Variants in TSGA10 observed in about 807,000 individuals in gnomAD.
The protein encoded by TSGA10 is testis-specific gene 10 protein.
TSGA10 carries 43 observed loss-of-function variants against 96.6 expected under a neutral mutation model. The ratio of observed to expected loss-of-function variants is 0.44; its 90% CI spans 0.35 to 0.57. TSGA10 has a LOEUF of 0.57. Ranked by LOEUF, TSGA10 falls within the 20% of genes least tolerant of loss-of-function variation. The pLI is 0.01. For synonymous variants in TSGA10, 229 were observed against 269.9 expected, an observed-to-expected ratio of 0.85 and a Z score of 1.48; for missense variants, 703 against 834.4, an observed-to-expected ratio of 0.84 and a Z score of 1.94.
At chr2:99,040,213 C>T (rs899287121) in intron 16 of TSGA10, among the ~76,000 whole-genome samples, 1 of 152,132 alleles carries the variant, frequency 6.6e-6, no homozygotes, top group Non-Finnish European at 1.5e-5. Context: ...TAGAACAAGA[C>T]AAGAATGCCC....
chr2:99,109,991 T>C (rs543719551), intron 5 of TSGA10, among the ~76,000 whole-genome samples: 1 of 152,154 alleles, frequency 6.6e-6, no homozygotes, highest in Non-Finnish European at 1.5e-5. Context: ...GGTGAAACCC[T>C]GTCTCTACTA....
intron 20 of TSGA10, among the ~76,000 whole-genome samples, chr2:99,005,306 A>C (rs1239584758): frequency 6.6e-6 from 1 of 152,200 alleles, no homozygotes; most frequent in Non-Finnish European, 1.5e-5. Context: ...ATTAGGCAGG[A>C]GAAAGAAACA....
At chr2:99,099,368 A>C (rs185960710) in intron 10 of TSGA10, among the ~76,000 whole-genome samples, 1 of 152,334 alleles carries the variant, frequency 6.6e-6, no homozygotes, top group African/African-American at 2.4e-5. Flanking sequence ...CAGCCAATCT[A>C]AATTACAAAA....
chr2:99,005,829 T>C (rs75038811), intron 20 of TSGA10, among the ~76,000 whole-genome samples: 6,785 of 152,232 alleles, frequency 0.045, 312 homozygotes, highest in East Asian at 0.21. Flanking sequence ...GAGCCCGCAT[T>C]GCCAAGGCAA....
At chr2:99,100,937 A>T (rs2090636432) in intron 10 of TSGA10, among the ~76,000 whole-genome samples, 1 of 149,858 alleles carries the variant, frequency 6.7e-6, no homozygotes, top group Non-Finnish European at 1.5e-5. Context: ...TAAAAAAAAA[A>T]GCATAAATTA....
chr2:99,102,425 G>A, intron 10 of TSGA10: 2 of 1,614,006 alleles, frequency 1.2e-6, no homozygotes, highest in East Asian at 2.2e-5. Context: ...AAGGTGAAAT[G>A]AGAGAAATGC....
At position 98,997,843 on chromosome 2, in the gene TSGA10, T is replaced by G; in HGVS notation, c.*354A>C. On this transcript the variant is annotated 3_prime_UTR_variant, in exon 21 of 21. Transcript: ENST00000393483. Reference sequence around the variant, plus strand: ...AAAAAAAATTAACCAACCAATTATTTGAGATACCAAGAAAGGAAAGGAAAG... The same window carrying G: ...AAAAAAAATTAACCAACCAATTATTGGAGATACCAAGAAAGGAAAGGAAAG... The G allele has an allele frequency of 1.1e-5, 2 of 181,746 alleles. No homozygotes were observed. Among genetic ancestry groups the G allele is most frequent in the Non-Finnish European group, 2.3e-5 (2 of 87,982 alleles). The allele number at this position is 181,746 out of a possible 1,614,324, so 11.3% of individuals were successfully genotyped here.
Position 99,154,880 on chromosome 2 carries a change from G to T in TSGA10, c.-808C>A. 2.7e-6 allele frequency: 1 copy of T among 367,442 alleles called. No individual in the cohort carries two copies. The highest frequency in any genetic ancestry group is 5.5e-6 in the Non-Finnish European group (1 of 183,348). 22.8% of individuals were successfully genotyped at this position (367,442 alleles called of 1,614,324 possible). On this transcript the variant is annotated 5_prime_UTR_variant, in exon 1 of 21. Coordinates refer to ENST00000393483, the MANE Select transcript of TSGA10 (RefSeq NM_025244.4). The stretch of plus-strand genomic sequence containing the variant: ...GCCGGGACCCCACGGCTCCGCAGGC[G>T]GAGAGACTAGGCGCGATCCCTGCGC...
intron 20 of TSGA10, among the ~76,000 whole-genome samples, chr2:99,010,918 G>C (rs1376845272): frequency 6.6e-6 from 1 of 152,208 alleles, no homozygotes; most frequent in African/African-American, 2.4e-5. Context: ...CTACATGGGA[G>C]CTGGGCAAGG....
At chr2:99,130,617 CTTTAG>C (rs1228325999) in intron 1 of TSGA10, among the ~76,000 whole-genome samples, 4 of 152,132 alleles carry the variant, frequency 2.6e-5, no homozygotes, top group Non-Finnish European at 4.4e-5. Flanking sequence ...TACAGAAGCT[CTTTAG>C]TTTAATTAGA....
chr2:99,035,579 C>A (rs2081543270), intron 16 of TSGA10, 140 bp from the exon 17 acceptor site: 7 of 487,036 alleles, frequency 1.4e-5, no homozygotes, highest in African/African-American at 2.0e-5. Flanking sequence ...CAGGTGGTAA[C>A]AATATGTACA....
intron 16 of TSGA10, among the ~76,000 whole-genome samples, chr2:99,063,202 A>G (rs969211266): frequency 1.3e-5 from 2 of 152,224 alleles, no homozygotes; most frequent in Non-Finnish European, 1.5e-5. Context: ...CACAAAATCA[A>G]TCTCAAGCAG....
At chr2:99,032,718 G>A (rs532126052) in intron 17 of TSGA10, among the ~76,000 whole-genome samples, 2 of 152,308 alleles carry the variant, frequency 1.3e-5, no homozygotes, top group South Asian at 2.1e-4. Flanking sequence ...TACTGATAAG[G>A]ATAATGTCAT....
At chr2:99,034,151 T>C (rs1356840142) in intron 17 of TSGA10, among the ~76,000 whole-genome samples, 2 of 152,006 alleles carry the variant, frequency 1.3e-5, no homozygotes, top group Admixed American at 6.5e-5. Context: ...AAAAGTATGT[T>C]TGAGACAACT....
intron 11 of TSGA10, among the ~76,000 whole-genome samples, chr2:99,079,995 G>A (rs1488800904): frequency 1.3e-5 from 2 of 152,028 alleles, no homozygotes; most frequent in Admixed American, 1.3e-4. Context: ...ATTCCCACTG[G>A]CAATCAAACA....
At chr2:99,131,216 G>A (rs954750525) in intron 1 of TSGA10, among the ~76,000 whole-genome samples, 1 of 152,198 alleles carries the variant, frequency 6.6e-6, no homozygotes, top group Non-Finnish European at 1.5e-5. Flanking sequence ...ACTGTGGGCA[G>A]TATGGCCATT....
intron 1 of TSGA10, among the ~76,000 whole-genome samples, chr2:99,134,759 G>A (rs1312056798): frequency 1.3e-5 from 2 of 152,038 alleles, no homozygotes; most frequent in African/African-American, 2.4e-5. Flanking sequence ...TGCAGATGGG[G>A]TTTCTGGGGT....
At chr2:99,000,112 C>T (rs1351390490) in intron 20 of TSGA10, among the ~76,000 whole-genome samples, 10 of 152,150 alleles carry the variant, frequency 6.6e-5, no homozygotes, top group African/African-American at 2.2e-4. Context: ...TGGCTCATGC[C>T]TGTAATCCTA....
intron 10 of TSGA10, among the ~76,000 whole-genome samples, chr2:99,099,348 G>A (rs1050219251): frequency 2.0e-5 from 3 of 151,866 alleles, no homozygotes; most frequent in Non-Finnish European, 4.4e-5. Context: ...CCATAAGAAA[G>A]GTAAATTATC....
Sources: gnomAD v4.1 joint callset for allele counts (sites outside exome capture counted in the v4.1 genomes callset) on GRCh38, gnomAD v4.1.1 for gene constraint, MANE v1.5 for transcripts, NCBI Gene and HGNC (gene_info 2026-07-23, HGNC 2026-07-21) for gene names.